CLVS1: variants seen among roughly 807,000 people sequenced by gnomAD.
The protein encoded by CLVS1 is clavesin 1.
CLVS1 carries 10 observed loss-of-function variants against 33.1 expected under a neutral mutation model. The observed-to-expected ratio is 0.30, with a 90% CI of 0.19 to 0.51. The LOEUF (loss-of-function observed/expected upper bound fraction) is 0.51, where lower values mean the gene tolerates loss of function less well. CLVS1 is among the 20% of genes least tolerant of loss of function. CLVS1 has a pLI of 0.97. For synonymous variants in CLVS1, 163 were observed against 166.1 expected (o/e 0.98, Z 0.14); for missense variants, 343 against 433.4 (o/e 0.79, Z 1.85).
At chr8:60,978,486 G>T in the CLVS1 span, among the ~76,000 whole-genome samples, 1 of 152,178 alleles carries the variant, frequency 6.6e-6, no homozygotes, top group African/African-American at 2.4e-5. Flanking sequence ...ATAAGTTTAA[G>T]ATGTTAATTG....
At chr8:61,140,199 G>T (rs1008686899) in intron 2 of CLVS1, among the ~76,000 whole-genome samples, 31 of 152,196 alleles carry the variant, frequency 2.0e-4, no homozygotes, top group African/African-American at 7.0e-4. Context: ...TTGGGCGAAG[G>T]TTCCTTGCTG....
intron 2 of CLVS1, among the ~76,000 whole-genome samples, chr8:61,140,593 C>T (rs573317837): frequency 2.0e-4 from 31 of 152,210 alleles, no homozygotes; most frequent in African/African-American, 6.7e-4. Context: ...GACGGAGTCT[C>T]GCTGTGTCGC....
At chr8:61,212,395 C>T (rs79773724) in intron 2 of CLVS1, among the ~76,000 whole-genome samples, 1 of 152,292 alleles carries the variant, frequency 6.6e-6, no homozygotes, top group East Asian at 1.9e-4. Context: ...GGAGAAACCC[C>T]AGATGCCTCA....
chr8:61,164,100 C>G (rs919886461), intron 2 of CLVS1, among the ~76,000 whole-genome samples: 2 of 152,220 alleles, frequency 1.3e-5, no homozygotes, highest in Admixed American at 6.5e-5. Flanking sequence ...TTCTTTACCT[C>G]CTGTTTTTAG....
chr8:61,265,694 G>A (rs1328816555), intron 2 of CLVS1, among the ~76,000 whole-genome samples: 2 of 152,064 alleles, frequency 1.3e-5, no homozygotes, highest in African/African-American at 4.8e-5. Context: ...TTGAAGTCCT[G>A]GATACTTCCT....
intron 2 of CLVS1, among the ~76,000 whole-genome samples, chr8:61,217,466 C>T (rs530428749): frequency 7.9e-5 from 12 of 152,268 alleles, no homozygotes; most frequent in African/African-American, 2.9e-4. Flanking sequence ...TCTCAACTTG[C>T]CATTTAGCTC....
At chr8:61,283,449 C>T (rs1202873201), upstream of CLVS1, among the ~76,000 whole-genome samples, 2 of 152,174 alleles carry the variant, frequency 1.3e-5, no homozygotes, top group African/African-American at 4.8e-5. Context: ...TCTTGAAAGT[C>T]TACTACACAT....
chr8:61,201,886 T>G lies in CLVS1; in HGVS notation c.-152+70026T>G, dbSNP rs1377535782. Among the ~76,000 whole-genome samples the G allele has an allele frequency of 2.0e-5, 3 of 152,340 alleles. No homozygotes were observed. In the East Asian group the frequency reaches 5.8e-4, roughly 29 times the overall value. On this transcript the variant is annotated intron_variant, in intron 2 of 2. Transcript: ENST00000522621. ...AGAAAGGGTACACTCGCCAGCAGTT[T>G]TGCCATGAGAGTACACCAAACAAAG...
In CLVS1 at chr8:61,148,525, A is replaced by T. The variant is rs577200289; in HGVS notation, c.-152+16665A>T. On this transcript the variant is annotated intron_variant, in intron 2 of 2. Transcript: ENST00000522621. ...ACTCGTGATGAGGTTTTGCGGTAGC[A>T]TGTGATGGATAGATGCCATTTTTAG... Among the ~76,000 whole-genome samples, 31 of 152,316 alleles carry T rather than the reference A, an allele frequency of 2.0e-4. 1 individual carries two copies. Among genetic ancestry groups the T allele is most frequent in the Admixed American group, 1.8e-3 (27 of 15,306 alleles).
chr8:61,117,338 C>G (rs372664686), intron 1 of CLVS1, among the ~76,000 whole-genome samples: 28,479 of 141,450 alleles, frequency 0.2, 2,964 homozygotes, highest in South Asian at 0.26. Context: ...TTGACTTCCT[C>G]TTTTCCTAAT....
At chr8:60,998,131 G>A in the CLVS1 span, among the ~76,000 whole-genome samples, 12 of 152,256 alleles carry the variant, frequency 7.9e-5, no homozygotes, top group African/African-American at 2.9e-4. Context: ...CCCTCAAGGA[G>A]GATGTAAGAC....
At chr8:60,975,025 T>G in the CLVS1 span, among the ~76,000 whole-genome samples, 1 of 152,114 alleles carries the variant, frequency 6.6e-6, no homozygotes, top group Non-Finnish European at 1.5e-5. Context: ...CCTCGATGGT[T>G]TTGGTACTCA....
intron 2 of CLVS1, among the ~76,000 whole-genome samples, chr8:61,263,889 C>T (rs1410258786): frequency 6.6e-6 from 1 of 152,148 alleles, no homozygotes; most frequent in South Asian, 2.1e-4. Flanking sequence ...TAAACTGCAA[C>T]GTGTTCCTTT....
At chr8:61,471,854 G>A (rs1817748342) in intron 5 of CLVS1, among the ~76,000 whole-genome samples, 1 of 152,148 alleles carries the variant, frequency 6.6e-6, no homozygotes, top group Admixed American at 6.5e-5. Context: ...CTGTGGTCTT[G>A]AGTGTAATTT....
chr8:61,302,455 C>A (rs1810471533), intron 2 of CLVS1, among the ~76,000 whole-genome samples: 1 of 152,138 alleles, frequency 6.6e-6, no homozygotes, highest in African/African-American at 2.4e-5. Flanking sequence ...GCACTGAGGA[C>A]AGCGATGAGA....
chr8:61,473,202 A>G (rs921225088), intron 5 of CLVS1, among the ~76,000 whole-genome samples: 1 of 152,080 alleles, frequency 6.6e-6, no homozygotes, highest in Non-Finnish European at 1.5e-5. Context: ...TTCAGAGCAA[A>G]CACCCTGCAT....
chr8:61,103,054 AT>A (rs35599479), intron 1 of CLVS1, among the ~76,000 whole-genome samples: 1 of 152,078 alleles, frequency 6.6e-6, no homozygotes, highest in African/African-American at 2.4e-5. Flanking sequence ...AGAATATCAA[AT>A]TTTTTTTATG....
chr8:61,429,944 T>A (rs2129605300), intron 3 of CLVS1, among the ~76,000 whole-genome samples: 1 of 152,372 alleles, frequency 6.6e-6, no homozygotes, highest in Non-Finnish European at 1.5e-5. Flanking sequence ...TTCTTGTAGC[T>A]AAGTTAAAAG....
intron 5 of CLVS1, among the ~76,000 whole-genome samples, chr8:61,489,699 G>A (rs754656130): frequency 1.2e-4 from 18 of 152,168 alleles, no homozygotes; most frequent in African/African-American, 4.3e-4. Flanking sequence ...AAACACTCCT[G>A]TAGATATTTC....
Sources: gnomAD v4.1 joint callset for allele counts (sites outside exome capture counted in the v4.1 genomes callset) on GRCh38, gnomAD v4.1.1 for gene constraint, MANE v1.5 for transcripts, NCBI Gene and HGNC (gene_info 2026-07-23, HGNC 2026-07-21) for gene names.